The following CAPN1 variants were observed in gnomAD, a reference collection of about 807,000 sequenced individuals.
The protein encoded by CAPN1 is calpain-1 catalytic subunit.
In CAPN1, 77 loss-of-function variants were observed where a neutral mutation model predicts 105.2. That is an observed-to-expected ratio of 0.73 (90% CI 0.61 to 0.88). The LOEUF (loss-of-function observed/expected upper bound fraction) is 0.88, where lower values mean the gene tolerates loss of function less well. CAPN1 is among the 40% of genes least tolerant of loss of function. The pLI is 0.00. For synonymous variants in CAPN1, 355 were observed against 388.8 expected, an observed-to-expected ratio of 0.91 and a Z score of 1.02; for missense variants, 833 against 976.6, an observed-to-expected ratio of 0.85 and a Z score of 1.96.
chr11:65,190,482 A>G (rs1041828134), intron 10 of CAPN1, among the ~76,000 whole-genome samples: 1 of 152,068 alleles, frequency 6.6e-6, no homozygotes, highest in Non-Finnish European at 1.5e-5. Context: ...TCCCTGTACC[A>G]TTTATTGAGA....
At chr11:65,201,092 C>T (rs1000235338) in intron 10 of CAPN1, among the ~76,000 whole-genome samples, 1 of 151,440 alleles carries the variant, frequency 6.6e-6, no homozygotes, top group African/African-American at 2.4e-5. Context: ...CTACAGGTGC[C>T]CACCACCACG....
At chr11:65,206,369 C>G in intron 12 of CAPN1, 94 bp from the exon 13 acceptor site, 1 of 967,912 alleles carries the variant, frequency 1.0e-6, no homozygotes, top group Non-Finnish European at 1.6e-6. Context: ...GCCCCTTGGC[C>G]AGGACAAGGA....
chr11:65,189,168 C>T (rs1307038951), intron 10 of CAPN1, among the ~76,000 whole-genome samples: 1 of 152,186 alleles, frequency 6.6e-6, no homozygotes, highest in Non-Finnish European at 1.5e-5. Context: ...GGATTACAGG[C>T]ACCTACCATA....
intron 12 of CAPN1, 158 bp downstream of exon 12, chr11:65,205,879 A>G: frequency 1.4e-6 from 1 of 703,400 alleles, no homozygotes; most frequent in Non-Finnish European, 2.6e-6. Flanking sequence ...TGGGCAGAGC[A>G]AACATTGCTC....
Position 65,204,674 on chromosome 11 carries a change from T to G in CAPN1, c.1166-9T>G, listed in dbSNP as rs752542350. 55 of 1,604,424 alleles carry G rather than the reference T, an allele frequency of 3.4e-5. 1 individual carries two copies. In the South Asian group the frequency reaches 6.0e-4, roughly 18 times the overall value. The stretch of plus-strand genomic sequence containing the variant: ...TGCCTCTGATCCCCGCCTCCTCACC[T>G]GCCCGCAGCCACCTTCTGGGTGAAC... On this transcript the variant is annotated splice_polypyrimidine_tract_variant and intron_variant, in intron 10 of 21. Coordinates refer to ENST00000279247, the MANE Select transcript of CAPN1 (RefSeq NM_005186.4).
intron 7 of CAPN1, chr11:65,187,634 C>T: frequency 6.5e-6 from 3 of 463,752 alleles, no homozygotes; most frequent in South Asian, 6.3e-5. Flanking sequence ...CACCTGTAAT[C>T]CCAACACTTT....
Position 65,188,829 on chromosome 11 carries a change from C to A in CAPN1, c.1165+83C>A. 1 of 1,148,374 alleles carries A rather than the reference C, an allele frequency of 8.7e-7. No homozygotes were observed. The highest frequency in any genetic ancestry group is 1.2e-6 in the Non-Finnish European group (1 of 806,476). 71.1% of individuals were successfully genotyped at this position (1,148,374 alleles called of 1,614,324 possible). On this transcript the variant is annotated intron_variant, in intron 10 of 21. Transcript: ENST00000279247. This position sits in a 1 kb window ranked among gnomAD's most constrained non-coding sequence, Gnocchi z 5.5. ...ACGTCATCTTACTGAGCCTCCGTTT[C>A]CTCACTTGCAAGATATAGGCTGATC...
chr11:65,182,634 G>T, intron 1 of CAPN1, 67 bp from the exon 2 acceptor site: 1 of 1,437,504 alleles, frequency 7.0e-7, no homozygotes, highest in Non-Finnish European at 9.1e-7. Context: ...AGCAGAGCTT[G>T]CAGGCAGGAG....
At chr11:65,198,005 A>G (rs946547171) in intron 10 of CAPN1, among the ~76,000 whole-genome samples, 1 of 150,910 alleles carries the variant, frequency 6.6e-6, no homozygotes, top group Non-Finnish European at 1.5e-5. Context: ...TACTGTGTTT[A>G]CTTATTTTCT....
chr11:65,183,302 G>A, intron 3 of CAPN1, 105 bp downstream of exon 3: 2 of 1,245,542 alleles, frequency 1.6e-6, no homozygotes, highest in Non-Finnish European at 2.3e-6. Context: ...AGCCCAGGCA[G>A]GATCTGGCTA....
At position 65,210,289 on chromosome 11, in the gene CAPN1, G is replaced by A. The variant is rs774691247; in HGVS notation, c.1943-47G>A. On this transcript the variant is annotated intron_variant, in intron 19 of 21. Transcript: ENST00000279247. The surrounding 1 kb of genome is among the most constrained non-coding windows in gnomAD (Gnocchi z 4.3). Reference sequence around the variant, plus strand: ...GACCCAACCCCTCCCCCATCCTGTTGGGCAGGGGCTGCGCCTCACTGACCT... The same window carrying A: ...GACCCAACCCCTCCCCCATCCTGTTAGGCAGGGGCTGCGCCTCACTGACCT... 1.1e-5 allele frequency: 15 copies of A among 1,399,438 alleles called. No individual in the cohort carries two copies. Among genetic ancestry groups the A allele is most frequent in the Non-Finnish European group, 6.0e-6 (6 of 994,978 alleles). 86.7% of individuals were successfully genotyped at this position (1,399,438 alleles called of 1,614,324 possible).
In CAPN1 at chr11:65,186,301, C is replaced by A; in HGVS notation, c.722C>A (p.Ala241Glu). ...GACCTCTACCAGATCATCCTCAAGG[C>A]GCTGGAGCGGGGCTCCCTGCTGGGC... ...PSDLYQIILK[A>E]LERGSLLGCS... is the part of the protein sequence containing the mutation. Residue 241 changes from alanine to glutamate, a missense_variant, in exon 6 of 22, where the codon GCG becomes GAG. Coordinates refer to ENST00000279247, the MANE Select transcript of CAPN1 (RefSeq NM_005186.4). The A allele has an allele frequency of 6.2e-7, 1 of 1,613,258 alleles. No homozygotes were observed. Among genetic ancestry groups the A allele is most frequent in the South Asian group, 1.1e-5 (1 of 90,976 alleles).
chr11:65,183,345 G>A, intron 3 of CAPN1, 129 bp from the exon 4 acceptor site: 1 of 1,102,152 alleles, frequency 9.1e-7, no homozygotes, highest in Non-Finnish European at 1.4e-6. Flanking sequence ...CAGATTCCTG[G>A]GTCTTTTCTG....
Position 65,182,001 on chromosome 11 carries a change from A to G in CAPN1, c.-14A>G, listed in dbSNP as rs1948541225. ...TCAGGGACTGCAGCGACCCCCAAAC[A>G]CCCCTCCCCCAGGTAAGAAGCTGGG... On this transcript the variant is annotated 5_prime_UTR_variant, in exon 1 of 22. Transcript: ENST00000279247. 1 of 155,190 alleles carries G rather than the reference A, an allele frequency of 6.4e-6. No individual in the cohort carries two copies. The highest frequency in any genetic ancestry group is 1.4e-5 in the Non-Finnish European group (1 of 70,566). 9.6% of individuals were successfully genotyped at this position (155,190 alleles called of 1,614,324 possible).
chr11:65,186,185 C>G lies in CAPN1; in HGVS notation c.606C>G (p.Tyr202Ter). ...EKAYAKVNGSYEALSGGSTSE... is the reference protein window; with the variant it reads ...EKAYAKVNGS ...CTGCCCACAGGGTAAATGGCAGCTACGAGGCCCTGTCAGGGGGCAGCACCT... is the reference window on the plus strand; with the variant it reads ...CTGCCCACAGGGTAAATGGCAGCTAGGAGGCCCTGTCAGGGGGCAGCACCT... The change falls in exon 6 of 22, where the codon TAC becomes TAG. Residue 202 changes from tyrosine to a stop codon, truncating the protein, a stop_gained. Transcript: ENST00000279247. LOFTEE classifies it high-confidence loss of function. 1 of 1,613,144 alleles carries G rather than the reference C, an allele frequency of 6.2e-7. No individual in the cohort carries two copies.
At chr11:65,190,493 A>T (rs796317918) in intron 10 of CAPN1, among the ~76,000 whole-genome samples, 12 of 152,206 alleles carry the variant, frequency 7.9e-5, no homozygotes, top group African/African-American at 2.9e-4. Flanking sequence ...TTTATTGAGA[A>T]ATACATCATC....
intron 10 of CAPN1, 149 bp from the exon 11 acceptor site, chr11:65,204,534 C>T: frequency 1.4e-6 from 1 of 734,504 alleles, no homozygotes; most frequent in Non-Finnish European, 2.2e-6. Context: ...GAGCCTGGCC[C>T]AGCCTGCCCA....
chr11:65,181,619 T>C (rs1473944288), upstream of CAPN1: 17 of 397,730 alleles, frequency 4.3e-5, no homozygotes, highest in Admixed American at 2.9e-5. The surrounding 1 kb of genome is among the most constrained non-coding windows in gnomAD (Gnocchi z 4.6). Flanking sequence ...AAATACCCCC[T>C]GCCCGGCCCT....
In CAPN1 at chr11:65,209,737, A is replaced by C. The variant is rs1590867747; in HGVS notation, c.1795-112A>C. On this transcript the variant is annotated intron_variant, in intron 17 of 21. Coordinates refer to ENST00000279247, the MANE Select transcript of CAPN1 (RefSeq NM_005186.4). The surrounding 1 kb of genome is among the most constrained non-coding windows in gnomAD (Gnocchi z 4.1). ...TACATGGCTTTTGCTGCTTCTCCTC[A>C]CCCAGCCCCAAGTCGACTTGCCGGC... The C allele has an allele frequency of 1.3e-5, 13 of 1,036,640 alleles. No individual in the cohort carries two copies. In the South Asian group the frequency reaches 1.6e-4, roughly 13 times the overall value. 64.2% of individuals were successfully genotyped at this position (1,036,640 alleles called of 1,614,324 possible). A position where few individuals can be genotyped will look rare whatever the true frequency, so the allele number is the denominator to read the frequency against.
Sources: gnomAD v4.1 joint callset for allele counts (sites outside exome capture counted in the v4.1 genomes callset) on GRCh38, gnomAD v4.1.1 for gene constraint, Gnocchi (gnomAD v3.1) non-coding constraint, MANE v1.5 for transcripts, NCBI Gene and HGNC (gene_info 2026-07-23, HGNC 2026-07-21) for gene names.